The following PCCA variants were observed in gnomAD, a reference collection of about 807,000 sequenced individuals.
The protein encoded by PCCA is propionyl-CoA carboxylase alpha chain, mitochondrial.
PCCA carries 74 observed loss-of-function variants against 101.3 expected under a neutral mutation model. The ratio of observed to expected loss-of-function variants is 0.73; its 90% CI spans 0.61 to 0.89. The LOEUF is 0.89. Among genes scored for constraint, PCCA ranks in the 40% least tolerant of loss-of-function variants. The pLI is 0.00. For synonymous variants in PCCA, 294 were observed against 313.6 expected (o/e 0.94, Z 0.66); for missense variants, 891 against 907.0 (o/e 0.98, Z 0.23).
chr13:100,146,125 G>A lies in PCCA; in HGVS notation c.301-8854G>A, dbSNP rs578204857. On this transcript the variant is annotated intron_variant, in intron 4 of 23. Transcript: ENST00000376285. ...CGGCTAATTTTTTGTATTTTTAGCA[G>A]AGATGGGGTTTTGCCATGCTGGCCA... is the stretch of plus-strand genomic sequence containing the variant. 6.7e-4 allele frequency among the ~76,000 whole-genome samples: 101 copies of A among 150,770 alleles called. 1 individual carries two copies. The highest frequency in any genetic ancestry group is 2.2e-3 in the African/African-American group (93 of 41,346).
chr13:100,285,023 G>A (rs2064485776), intron 12 of PCCA, among the ~76,000 whole-genome samples: 1 of 152,196 alleles, frequency 6.6e-6, no homozygotes, highest in African/African-American at 2.4e-5. Flanking sequence ...TGTCTAGGTC[G>A]AAGGCCCCAG....
intron 4 of PCCA, chr13:100,149,520 T>C (rs762594314): frequency 6.6e-6 from 1 of 152,144 alleles, no homozygotes; most frequent in Non-Finnish European, 1.5e-5. Context: ...TAATTTTCAT[T>C]GGTTAGTAAT....
rs561696792 is a variant in PCCA at position 100,339,192 on chromosome 13, C to T, written c.1541-965C>T. 7.4e-4 allele frequency among the ~76,000 whole-genome samples: 113 copies of T among 152,154 alleles called. 4 individuals are homozygous for T. In the South Asian group the frequency reaches 0.023, roughly 31 times the overall value. On this transcript the variant is annotated intron_variant, in intron 17 of 23. Transcript: ENST00000376285. The stretch of plus-strand genomic sequence containing the variant: ...AAATGCTGTGTAAATCATTGTTATA[C>T]TGCATTGCTTTGAGGAAAATGACAA...
At chr13:100,283,625 A>G (rs1055619273) in intron 12 of PCCA, among the ~76,000 whole-genome samples, 1 of 152,122 alleles carries the variant, frequency 6.6e-6, no homozygotes, top group Non-Finnish European at 1.5e-5. Flanking sequence ...CCTGAACAAA[A>G]TCTAGAGGCA....
intron 8 of PCCA, among the ~76,000 whole-genome samples, chr13:100,238,191 C>A (rs1179139862): frequency 6.6e-6 from 1 of 152,042 alleles, no homozygotes; most frequent in East Asian, 1.9e-4. Context: ...CTGCCCACCT[C>A]AGCCTCCCAA....
chr13:100,525,688 G>T (rs1039674759), intron 22 of PCCA, among the ~76,000 whole-genome samples: 4 of 152,244 alleles, frequency 2.6e-5, no homozygotes, highest in African/African-American at 2.4e-5. Context: ...GGGAGGGGAC[G>T]TGTGGTGGAA....
intron 21 of PCCA, among the ~76,000 whole-genome samples, chr13:100,495,712 A>G (rs1461507609): frequency 6.6e-6 from 1 of 152,218 alleles, no homozygotes; most frequent in Non-Finnish European, 1.5e-5. Flanking sequence ...TCAATTTCAA[A>G]GTAATTACTG....
At chr13:100,154,398 G>A (rs2053664236) in intron 4 of PCCA, 2 of 154,578 alleles carry the variant, frequency 1.3e-5, no homozygotes, top group Admixed American at 1.3e-4. Flanking sequence ...AGGAATAAAT[G>A]TAAAATGGAT....
At chr13:100,386,477 G>A (rs1466572712) in intron 19 of PCCA, among the ~76,000 whole-genome samples, 2 of 152,246 alleles carry the variant, frequency 1.3e-5, no homozygotes, top group African/African-American at 4.8e-5. Context: ...TGCCTCCCAG[G>A]TTCACACCAT....
chr13:100,321,257 G>A (rs955327232), intron 16 of PCCA, among the ~76,000 whole-genome samples: 2 of 152,130 alleles, frequency 1.3e-5, no homozygotes, highest in Non-Finnish European at 2.9e-5. Context: ...ACATGATCAA[G>A]GGATTAATTT....
chr13:100,089,797 A>G (rs890545922), intron 1 of PCCA, among the ~76,000 whole-genome samples: 1 of 152,224 alleles, frequency 6.6e-6, no homozygotes, highest in Non-Finnish European at 1.5e-5. Flanking sequence ...TACCAAATGC[A>G]TCCCGTGAAC....
At chr13:100,519,980 TG>T (rs1386088473) in intron 22 of PCCA, among the ~76,000 whole-genome samples, 1 of 152,244 alleles carries the variant, frequency 6.6e-6, no homozygotes, top group African/African-American at 2.4e-5. Context: ...TAAATTTATA[TG>T]TTTTATAGCA....
chr13:100,527,859 C>T (rs2087982893), intron 23 of PCCA, 107 bp downstream of exon 23: 1 of 829,468 alleles, frequency 1.2e-6, no homozygotes, highest in Non-Finnish European at 2.1e-6. Context: ...GCGCCCTCTC[C>T]CCCTCGCTTC....
chr13:100,408,786 C>G (rs2077839652), intron 19 of PCCA, among the ~76,000 whole-genome samples: 1 of 152,112 alleles, frequency 6.6e-6, no homozygotes, highest in South Asian at 2.1e-4. Flanking sequence ...AGTGATAGTT[C>G]CGGGGTGGGG....
intron 21 of PCCA, among the ~76,000 whole-genome samples, chr13:100,480,084 G>T (rs1039799614): frequency 2.0e-5 from 3 of 152,094 alleles, no homozygotes; most frequent in Admixed American, 1.3e-4. Flanking sequence ...AACAAGTCAG[G>T]GCTTTCTTCT....
intron 21 of PCCA, chr13:100,466,347 A>T (rs1187625837): frequency 6.6e-6 from 1 of 152,224 alleles, no homozygotes; most frequent in Non-Finnish European, 1.5e-5. Context: ...ATATGGCAGG[A>T]TGCCTGACAA....
chr13:100,372,265 G>A (rs775258206), intron 19 of PCCA, among the ~76,000 whole-genome samples: 3 of 152,134 alleles, frequency 2.0e-5, no homozygotes, highest in Admixed American at 6.5e-5. Flanking sequence ...GGCAGGAGAA[G>A]CTCTTCAACT....
At chr13:100,332,953 AG>A (rs768743579) in intron 17 of PCCA, among the ~76,000 whole-genome samples, 16 of 152,204 alleles carry the variant, frequency 1.1e-4, no homozygotes, top group Non-Finnish European at 2.1e-4. Flanking sequence ...AATTGAACCT[AG>A]GCTTATTCAA....
At chr13:100,390,976 A>G (rs145173003) in intron 19 of PCCA, among the ~76,000 whole-genome samples, 1 of 152,040 alleles carries the variant, frequency 6.6e-6, no homozygotes, top group Non-Finnish European at 1.5e-5. Flanking sequence ...ATTTTTGATG[A>G]TTAAAGAATA....
Sources: allele counts gnomAD v4.1 joint callset (sites outside exome capture counted in the v4.1 genomes callset), GRCh38; gene constraint gnomAD v4.1.1; transcripts MANE v1.5; gene names NCBI Gene and HGNC (gene_info 2026-07-23, HGNC 2026-07-21).